Variants in CEP63 observed in about 807,000 individuals in gnomAD.
CEP63 encodes the protein centrosomal protein of 63 kDa.
In CEP63, 84 loss-of-function variants were observed where a neutral mutation model predicts 89.1. That is an observed-to-expected ratio of 0.94 (90% CI 0.79 to 1.13). The LOEUF (loss-of-function observed/expected upper bound fraction) is 1.13, where lower values mean the gene tolerates loss of function less well. Ranked by LOEUF, CEP63 falls within the 50% of genes most tolerant of loss-of-function variation. CEP63 has a pLI of 0.00. For missense variants in CEP63, 838 were observed against 813.3 expected (o/e 1.03, Z -0.37); for synonymous variants, 267 against 272.5 (o/e 0.98, Z 0.20).
chr3:134,641,712 C>T, the CEP63 span, among the ~76,000 whole-genome samples: 13 of 152,266 alleles, frequency 8.5e-5, no homozygotes, highest in East Asian at 2.5e-3. Context: ...ATATACAACC[C>T]CGCACAGCCC....
the CEP63 span, among the ~76,000 whole-genome samples, chr3:134,616,703 C>A: frequency 6.6e-6 from 1 of 152,296 alleles, no homozygotes; most frequent in South Asian, 2.1e-4. Flanking sequence ...TGTTAAGTAT[C>A]TGGACCAGGG....
the CEP63 span, among the ~76,000 whole-genome samples, chr3:134,604,895 ATCTG>A: frequency 3.9e-5 from 6 of 152,216 alleles, no homozygotes; most frequent in Admixed American, 6.5e-5. Flanking sequence ...TCCCTGTAGC[ATCTG>A]TCTAAGTGTC....
intron 6 of CEP63, among the ~76,000 whole-genome samples, chr3:134,541,112 C>T (rs13081688): frequency 0.31 from 47,831 of 151,952 alleles, 7,772 homozygotes; most frequent in African/African-American, 0.35. Flanking sequence ...TCTGAAAGAG[C>T]TTTCCATACA....
intron 2 of CEP63, 134 bp downstream of exon 2, chr3:134,495,498 C>G (rs1158970322): frequency 3.1e-6 from 2 of 638,174 alleles, no homozygotes; most frequent in Middle Eastern, 4.1e-4. Context: ...CCTATCAGCT[C>G]AAGCATTTAT....
At chr3:134,549,847 C>T (rs1277145829) in intron 10 of CEP63, among the ~76,000 whole-genome samples, 1 of 152,180 alleles carries the variant, frequency 6.6e-6, no homozygotes, top group African/African-American at 2.4e-5. Context: ...CCATCTCTCC[C>T]TGTTTTGAGG....
downstream of CEP63, among the ~76,000 whole-genome samples, chr3:134,588,058 C>A (rs1010062496): frequency 6.6e-6 from 1 of 152,106 alleles, no homozygotes; most frequent in Non-Finnish European, 1.5e-5. Flanking sequence ...CTTTGGGAGG[C>A]CAATGTGGGC....
the CEP63 span, among the ~76,000 whole-genome samples, chr3:134,692,233 A>T: frequency 1.3e-5 from 2 of 152,122 alleles, no homozygotes; most frequent in Non-Finnish European, 2.9e-5. Context: ...TACATTAGGT[A>T]TATCTCCTAA....
At chr3:134,760,348 C>T in the CEP63 span, among the ~76,000 whole-genome samples, 13 of 152,272 alleles carry the variant, frequency 8.5e-5, no homozygotes, top group East Asian at 7.7e-4. Flanking sequence ...CCTGAGCCAC[C>T]GCGCCCGGCC....
chr3:134,648,662 T>G, the CEP63 span, among the ~76,000 whole-genome samples: 1 of 152,152 alleles, frequency 6.6e-6, no homozygotes, highest in East Asian at 1.9e-4. Flanking sequence ...AAATTCCTAG[T>G]GACCTAGCCT....
chr3:134,586,851 T>C (rs1032211409), intron 10 of CEP63, among the ~76,000 whole-genome samples: 1 of 152,228 alleles, frequency 6.6e-6, no homozygotes, highest in African/African-American at 2.4e-5. Flanking sequence ...ATTTGGTCTT[T>C]TCACATAGTC....
At chr3:134,680,992 C>T in the CEP63 span, among the ~76,000 whole-genome samples, 1 of 152,232 alleles carries the variant, frequency 6.6e-6, no homozygotes, top group African/African-American at 2.4e-5. Context: ...GTTAGTGAAG[C>T]CACAAGACAG....
chr3:134,727,328 T>A, the CEP63 span, among the ~76,000 whole-genome samples: 1 of 152,330 alleles, frequency 6.6e-6, no homozygotes, highest in South Asian at 2.1e-4. Flanking sequence ...AATTGAATTA[T>A]AAGTTTGATT....
the CEP63 span, among the ~76,000 whole-genome samples, chr3:134,649,254 G>A: frequency 2.0e-5 from 3 of 152,188 alleles, no homozygotes; most frequent in East Asian, 5.8e-4. Flanking sequence ...AGTCACTAGT[G>A]TGCATACATG....
chr3:134,739,630 A>G, the CEP63 span, among the ~76,000 whole-genome samples: 1 of 152,190 alleles, frequency 6.6e-6, no homozygotes, highest in African/African-American at 2.4e-5. Context: ...GCGCAAAGAC[A>G]GCAATCTATA....
the CEP63 span, among the ~76,000 whole-genome samples, chr3:134,601,535 G>A: frequency 1.3e-5 from 2 of 152,380 alleles, no homozygotes; most frequent in East Asian, 3.9e-4. Flanking sequence ...AAGTGTGCAA[G>A]ACGGCTGTTT....
chr3:134,603,650 C>T, the CEP63 span: 8 of 1,613,008 alleles, frequency 5.0e-6, no homozygotes, highest in South Asian at 1.1e-5. Context: ...AGCACCATGA[C>T]ATAGACTTCC....
chr3:134,490,709 A>G (rs1363002715), intron 1 of CEP63, among the ~76,000 whole-genome samples: 1 of 151,310 alleles, frequency 6.6e-6, no homozygotes, highest in African/African-American at 2.4e-5. Context: ...CACTCTGCTT[A>G]TTTTCCTTCC....
chr3:134,545,094 A>G (rs1396851398), intron 6 of CEP63, among the ~76,000 whole-genome samples: 2 of 152,106 alleles, frequency 1.3e-5, no homozygotes, highest in Admixed American at 1.3e-4. Flanking sequence ...CCCTGGTTCA[A>G]GTGATTCTCC....
chr3:134,768,751 T>G, the CEP63 span, among the ~76,000 whole-genome samples: 1 of 152,228 alleles, frequency 6.6e-6, no homozygotes, highest in Non-Finnish European at 1.5e-5. Flanking sequence ...GAAACACTAA[T>G]CTAGACACTG....
Sources: allele counts gnomAD v4.1 joint callset (sites outside exome capture counted in the v4.1 genomes callset), GRCh38; gene constraint gnomAD v4.1.1; transcripts MANE v1.5; gene names NCBI Gene and HGNC (gene_info 2026-07-23, HGNC 2026-07-21).